The following SPAST variants were observed in gnomAD, a reference collection of about 807,000 sequenced individuals.
The protein encoded by SPAST is spastin, also known as spastic paraplegia 4 (autosomal dominant; spastin).
SPAST carries 30 observed loss-of-function variants against 76.6 expected under a neutral mutation model. That is an observed-to-expected ratio of 0.39 (90% CI 0.29 to 0.53). The LOEUF (loss-of-function observed/expected upper bound fraction) is 0.53. SPAST is among the 20% of genes least tolerant of loss of function. SPAST has a pLI of 0.68. For synonymous variants in SPAST, 305 were observed against 281.0 expected (o/e 1.09, Z -0.86); for missense variants, 717 against 770.5 (o/e 0.93, Z 0.82).
intron 4 of SPAST, among the ~76,000 whole-genome samples, chr2:32,111,970 T>TTAGTAGTAGTAGTAG (rs55815291): frequency 2.3e-3 from 331 of 141,282 alleles, no homozygotes; most frequent in African/African-American, 5.7e-3. Context: ...TATAATTAAG[T>TTAGTAGTAGTAGTAG]TAGTAGTAGT....
At chr2:32,064,599 C>A (rs1408118297) in intron 1 of SPAST, among the ~76,000 whole-genome samples, 1 of 152,126 alleles carries the variant, frequency 6.6e-6, no homozygotes, top group East Asian at 1.9e-4. Context: ...GTGCAGCTTC[C>A]TCTGAACCAA....
At chr2:32,074,507 T>G (rs540465107) in intron 1 of SPAST, among the ~76,000 whole-genome samples, 55 of 152,066 alleles carry the variant, frequency 3.6e-4, no homozygotes, top group Middle Eastern at 3.4e-3. Flanking sequence ...AGCTTTTTTT[T>G]TTGTTGTTTT....
intron 1 of SPAST, among the ~76,000 whole-genome samples, chr2:32,069,555 T>TG (rs1373229678): frequency 1.3e-5 from 2 of 151,358 alleles, no homozygotes; most frequent in Non-Finnish European, 2.9e-5. Flanking sequence ...ACTTATCTTT[T>TG]TTTTTTTTTT....
At chr2:32,073,367 C>T (rs974705255) in intron 1 of SPAST, among the ~76,000 whole-genome samples, 3 of 152,174 alleles carry the variant, frequency 2.0e-5, no homozygotes, top group Admixed American at 6.6e-5. Context: ...TGTTCCCTAA[C>T]ACTTCCTGCC....
At chr2:32,110,109 T>G (rs1364437364) in intron 4 of SPAST, among the ~76,000 whole-genome samples, 3 of 147,820 alleles carry the variant, frequency 2.0e-5, no homozygotes, top group African/African-American at 4.9e-5. Context: ...TTTTTGTTTT[T>G]TTTTTTTGTT....
At chr2:32,087,694 CTTTT>C (rs770566493) in intron 2 of SPAST, 116 bp downstream of exon 2, 548 of 185,570 alleles carry the variant, frequency 3.0e-3, no homozygotes, top group South Asian at 5.8e-3. Flanking sequence ...CTTTTCTTTT[CTTTT>C]TTTTTTTTTT....
chr2:32,144,862 C>G, intron 14 of SPAST, 75 bp from the exon 15 acceptor site: 1 of 963,972 alleles, frequency 1.0e-6, no homozygotes, highest in Non-Finnish European at 1.6e-6. Context: ...CCAGCCTGGG[C>G]AACAAGAGCA....
intron 15 of SPAST, among the ~76,000 whole-genome samples, chr2:32,146,851 CAAAAA>C (rs397984237): frequency 1.0e-4 from 2 of 19,224 alleles, no homozygotes; most frequent in Non-Finnish European, 2.2e-4. Context: ...GACTCTGTCT[CAAAAA>C]AAAAAAAAAA....
At chr2:32,067,969 C>A (rs1203898033) in intron 1 of SPAST, among the ~76,000 whole-genome samples, 1 of 149,134 alleles carries the variant, frequency 6.7e-6, no homozygotes, top group East Asian at 1.9e-4. Context: ...ATTTTGATTT[C>A]TTTTCTCTTT....
rs1341383525 is a variant in SPAST, at chr2:32,083,767, TATA to T, written c.416-3724_416-3722del. On this transcript the variant is annotated intron_variant, in intron 1 of 16. Transcript: ENST00000315285. ...TATATATACTATATATATATATATA[TATA>T]TATATATTTTTTTTTTTTTTTGAGA... Among the ~76,000 whole-genome samples the T allele has an allele frequency of 5.1e-4, 50 of 98,584 alleles. 1 individual carries two copies. Among genetic ancestry groups the T allele is most frequent in the Non-Finnish European group, 7.4e-4 (38 of 51,112 alleles). The allele number at this position is 98,584 out of a possible 152,430, so 64.7% of individuals were successfully genotyped here.
chr2:32,067,464 C>T (rs1396382800), intron 1 of SPAST, among the ~76,000 whole-genome samples: 2 of 151,974 alleles, frequency 1.3e-5, no homozygotes, highest in African/African-American at 4.8e-5. Flanking sequence ...AGACCCTGAG[C>T]TCTTAGATTT....
At chr2:32,150,951 C>CTTTTTT (rs113065520) in intron 16 of SPAST, among the ~76,000 whole-genome samples, 3 of 143,346 alleles carry the variant, frequency 2.1e-5, no homozygotes, top group African/African-American at 2.6e-5. Flanking sequence ...CTACTGTATA[C>CTTTTTT]TTTTTTTTTT....
chr2:32,083,741 T>C (rs6751221), intron 1 of SPAST, among the ~76,000 whole-genome samples: 1 of 57,142 alleles, frequency 1.8e-5, no homozygotes, highest in African/African-American at 7.0e-5. Context: ...CTATATATAT[T>C]TATATATACT....
chr2:32,102,579 C>A (rs975294224), intron 4 of SPAST, among the ~76,000 whole-genome samples: 1 of 152,156 alleles, frequency 6.6e-6, no homozygotes, highest in Admixed American at 6.6e-5. Context: ...CAGTTTTTGC[C>A]CATTCAGTAT....
intron 9 of SPAST, among the ~76,000 whole-genome samples, chr2:32,131,671 C>CTTTTTTT (rs541036416): frequency 7.4e-5 from 8 of 108,000 alleles, no homozygotes; most frequent in East Asian, 2.7e-4. Flanking sequence ...CAACCATTCT[C>CTTTTTTT]TTTTTTTTTT....
chr2:32,081,202 C>T (rs1340549680), intron 1 of SPAST, among the ~76,000 whole-genome samples: 1 of 152,086 alleles, frequency 6.6e-6, no homozygotes, highest in Non-Finnish European at 1.5e-5. Context: ...CATGATCCAC[C>T]CGCCTCAGCC....
chr2:32,075,517 T>G (rs1191023900), intron 1 of SPAST, among the ~76,000 whole-genome samples: 1 of 136,126 alleles, frequency 7.3e-6, no homozygotes, highest in Non-Finnish European at 1.6e-5. Context: ...CTCCCTAACC[T>G]CACTCCTCAT....
chr2:32,080,880 C>T lies in SPAST; in HGVS notation c.416-6612C>T, dbSNP rs143046551. ...CACGATCTCAGCTCGCTGCAACCTC[C>T]GCCTCCTGGCTTCAAGTGATTCTCC... On this transcript the variant is annotated intron_variant, in intron 1 of 16. Transcript: ENST00000315285. Among the ~76,000 whole-genome samples the T allele has an allele frequency of 7.3e-3, 1,092 of 149,860 alleles. 9 individuals are homozygous for T. The highest frequency in any genetic ancestry group is 0.014 in the Admixed American group (205 of 14,980).
intron 12 of SPAST, 64 bp from the exon 13 acceptor site, chr2:32,141,840 C>T (rs1679729467): frequency 1.6e-6 from 2 of 1,261,206 alleles, no homozygotes. Context: ...CTTTTCCTGT[C>T]ATTTGCTGTT....
Sources: allele counts gnomAD v4.1 joint callset (sites outside exome capture counted in the v4.1 genomes callset), GRCh38; gene constraint gnomAD v4.1.1; transcripts MANE v1.5; gene names NCBI Gene and HGNC (gene_info 2026-07-23, HGNC 2026-07-21).